The following SIMC1 variants were observed in gnomAD, a reference collection of about 807,000 sequenced individuals.
The protein encoded by SIMC1 is SUMO interacting motifs containing 1, also known as SUMO-interacting motif-containing protein 1.
Under a neutral mutation model 82.3 loss-of-function variants are expected in SIMC1, and 55 were observed. The ratio of observed to expected loss-of-function variants is 0.67; its 90% CI spans 0.54 to 0.84. The LOEUF is 0.84. Ranked by LOEUF, SIMC1 falls within the 40% of genes least tolerant of loss-of-function variation. SIMC1 has a pLI of 0.00. For synonymous variants in SIMC1, 353 were observed against 426.3 expected (o/e 0.83, Z 2.12); for missense variants, 915 against 1,107.2 (o/e 0.83, Z 2.46).
At chr5:176,256,395 AC>A (rs1561673721) in intron 1 of SIMC1, among the ~76,000 whole-genome samples, 2 of 152,316 alleles carry the variant, frequency 1.3e-5, no homozygotes, top group East Asian at 3.9e-4. Context: ...CTTGGTCACC[AC>A]AAATTTCTTT....
chr5:176,290,290 T>G lies in SIMC1; in HGVS notation c.766T>G (p.Cys256Gly). The G allele has an allele frequency of 6.2e-7, 1 of 1,612,412 alleles. No individual in the cohort carries two copies. Among genetic ancestry groups the G allele is most frequent in the Middle Eastern group, 1.6e-4 (1 of 6,062 alleles). ...ALSCPSQTMQCQLPALTHPPQ... is the reference protein window; with the variant it reads ...ALSCPSQTMQGQLPALTHPPQ... Reference sequence around the variant, plus strand: ...GTCATGCCCATCACAAACCATGCAGTGCCAACTACCAGCTCTAACTCACCC... The same window carrying G: ...GTCATGCCCATCACAAACCATGCAGGGCCAACTACCAGCTCTAACTCACCC... The change falls in exon 2 of 10, where the codon TGC becomes GGC. Residue 256 changes from cysteine (C) to glycine (G), a missense_variant. This residue lies in a region of SIMC1 where 902 missense variants were observed against 1,040.3 expected (regional missense o/e 0.87). Coordinates refer to ENST00000429602, the MANE Select transcript of SIMC1 (RefSeq NM_001308195.2).
At chr5:176,282,417 G>A (rs1257815653) in intron 1 of SIMC1, among the ~76,000 whole-genome samples, 13 of 152,182 alleles carry the variant, frequency 8.5e-5, no homozygotes, top group African/African-American at 2.7e-4. Context: ...GCTTCGGCTC[G>A]CGCATGGTGC....
chr5:176,326,456 C>T (rs532769094), intron 7 of SIMC1, among the ~76,000 whole-genome samples: 91 of 151,796 alleles, frequency 6.0e-4, no homozygotes, highest in African/African-American at 2.2e-3. Context: ...TAGTTTTGAA[C>T]TCCTGGGCTC....
intron 4 of SIMC1, among the ~76,000 whole-genome samples, chr5:176,305,670 C>T (rs62405167): frequency 4.4e-4 from 53 of 119,304 alleles, no homozygotes; most frequent in Admixed American, 1.4e-3. Context: ...GTGAGGAGCC[C>T]CTCTGCCCGG....
rs551117524 is a variant in SIMC1, at chr5:176,325,833, A to G, written c.2171+1076A>G. ...AAGGCTTGGTGGGTGAATGAAATAG[A>G]TATATCCAATATTAGAGGAACTAGA... is the stretch of plus-strand genomic sequence containing the variant. On this transcript the variant is annotated intron_variant, in intron 7 of 9. Coordinates refer to ENST00000429602, the MANE Select transcript of SIMC1 (RefSeq NM_001308195.2). 2.3e-3 allele frequency among the ~76,000 whole-genome samples: 348 copies of G among 152,296 alleles called. 1 individual carries two copies. Among genetic ancestry groups the G allele is most frequent in the African/African-American group, 8.2e-3 (340 of 41,584 alleles).
chr5:176,308,844 A>C (rs928176997), intron 4 of SIMC1: 1 of 1,250,084 alleles, frequency 8.0e-7, no homozygotes, highest in Non-Finnish European at 1.2e-6. Flanking sequence ...CTCATAACCA[A>C]GATCCATAAT....
chr5:176,308,132 A>T lies in SIMC1; in HGVS notation c.1735-5559A>T, dbSNP rs545524151. The T allele has an allele frequency of 2.1e-5, 21 of 980,840 alleles. No individual in the cohort carries two copies. In the African/African-American group the frequency reaches 3.0e-4, roughly 14 times the overall value. 60.8% of individuals were successfully genotyped at this position (980,840 alleles called of 1,614,324 possible). A position where few individuals can be genotyped will look rare whatever the true frequency, so the allele number is the denominator to read the frequency against. ...GTCTGACACTTTCCTTGTTTGTCTC[A>T]ACCATGCTCTGAGCACAGAGAAGGA... On this transcript the variant is annotated intron_variant, in intron 4 of 9. Coordinates refer to ENST00000429602, the MANE Select transcript of SIMC1 (RefSeq NM_001308195.2).
At chr5:176,262,681 T>G (rs1762058418) in intron 1 of SIMC1, among the ~76,000 whole-genome samples, 1 of 152,164 alleles carries the variant, frequency 6.6e-6, no homozygotes, top group Non-Finnish European at 1.5e-5. Context: ...GGTGAGCACC[T>G]GTAGTCCTAG....
chr5:176,300,003 C>G (rs1205298757), intron 4 of SIMC1, among the ~76,000 whole-genome samples: 2 of 152,060 alleles, frequency 1.3e-5, no homozygotes, highest in African/African-American at 4.8e-5. Context: ...TATGTGGCAA[C>G]TAAACAACAC....
chr5:176,258,689 T>G (rs981284633), intron 1 of SIMC1, among the ~76,000 whole-genome samples: 7 of 149,338 alleles, frequency 4.7e-5, no homozygotes, highest in African/African-American at 1.7e-4. Flanking sequence ...TAATATTCAC[T>G]ACAGCTGTAT....
At chr5:176,256,875 C>A (rs1465867551) in intron 1 of SIMC1, among the ~76,000 whole-genome samples, 7 of 152,056 alleles carry the variant, frequency 4.6e-5, no homozygotes, top group Non-Finnish European at 7.4e-5. Flanking sequence ...CCTGAGTAGG[C>A]AGGACTATAG....
intron 1 of SIMC1, among the ~76,000 whole-genome samples, chr5:176,259,920 A>G (rs976475310): frequency 4.0e-5 from 6 of 151,658 alleles, no homozygotes; most frequent in Non-Finnish European, 5.9e-5. Context: ...ATTTAAATGT[A>G]TAATTCTTTC....
chr5:176,265,907 T>C lies in SIMC1; in HGVS notation c.130-23747T>C, dbSNP rs544086995. 2.3e-3 allele frequency among the ~76,000 whole-genome samples: 351 copies of C among 152,140 alleles called. 3 individuals are homozygous for C. Among genetic ancestry groups the C allele is most frequent in the African/African-American group, 8.1e-3 (337 of 41,482 alleles). On this transcript the variant is annotated intron_variant, in intron 1 of 9. Transcript: ENST00000429602. Reference sequence around the variant, plus strand: ...CAAGGATACAGGATACAAAAAGAGGTTATTCTCAAATGGGGGAGAAGATAA... The same window carrying C: ...CAAGGATACAGGATACAAAAAGAGGCTATTCTCAAATGGGGGAGAAGATAA...
At chr5:176,285,974 C>T (rs1180658114) in intron 1 of SIMC1, among the ~76,000 whole-genome samples, 5 of 151,988 alleles carry the variant, frequency 3.3e-5, no homozygotes, top group African/African-American at 4.8e-5. Context: ...CACTGCTCAA[C>T]GAAATAAAAG....
At chr5:176,251,003 A>T (rs1483221786) in intron 1 of SIMC1, among the ~76,000 whole-genome samples, 1 of 152,148 alleles carries the variant, frequency 6.6e-6, no homozygotes, top group East Asian at 1.9e-4. Context: ...TGTCATTATG[A>T]TGCTAGCTGG....
At chr5:176,265,277 A>G (rs1392318948) in intron 1 of SIMC1, among the ~76,000 whole-genome samples, 1 of 151,700 alleles carries the variant, frequency 6.6e-6, no homozygotes, top group African/African-American at 2.4e-5. Flanking sequence ...CAAACAAACA[A>G]ACAAACAAAC....
intron 1 of SIMC1, among the ~76,000 whole-genome samples, chr5:176,261,783 G>A (rs1762024699): frequency 6.6e-6 from 1 of 151,706 alleles, no homozygotes; most frequent in South Asian, 2.1e-4. Context: ...TTATGAATAA[G>A]TAATTTAAGT....
At position 176,308,776 on chromosome 5, in the gene SIMC1, T is replaced by C; in HGVS notation, c.1735-4915T>C. 6.9e-6 allele frequency: 9 copies of C among 1,307,848 alleles called. 1 individual carries two copies. The South Asian group carries it at 1.1e-4, about 15-fold the overall frequency. 81.0% of individuals were successfully genotyped at this position (1,307,848 alleles called of 1,614,324 possible). A position where few individuals can be genotyped will look rare whatever the true frequency, so the allele number is the denominator to read the frequency against. ...GAATCAGCAGTAGAGCTGCCCAAGA[T>C]CCTGTGCCAGGAGGAGCAGGATGCA... On this transcript the variant is annotated intron_variant, in intron 4 of 9. Transcript: ENST00000429602.
At chr5:176,342,742 G>A (rs1376902484) in intron 9 of SIMC1, among the ~76,000 whole-genome samples, 2 of 152,178 alleles carry the variant, frequency 1.3e-5, no homozygotes, top group African/African-American at 2.4e-5. Flanking sequence ...CAGACCCTCC[G>A]TGGCTAGAGT....
Sources: allele counts gnomAD v4.1 joint callset (sites outside exome capture counted in the v4.1 genomes callset), GRCh38; gene constraint gnomAD v4.1.1; regional missense constraint gnomAD v4.1.1; transcripts MANE v1.5; gene names NCBI Gene and HGNC (gene_info 2026-07-23, HGNC 2026-07-21).